ANKRD31: variants seen among roughly 807,000 people sequenced by gnomAD.
The protein encoded by ANKRD31 is ankyrin repeat domain 31.
ANKRD31 carries 147 observed loss-of-function variants against 186.0 expected under a neutral mutation model. The observed-to-expected ratio is 0.79, with a 90% CI of 0.69 to 0.91. ANKRD31 has a LOEUF of 0.91. Among genes scored for constraint, ANKRD31 ranks in the 40% least tolerant of loss-of-function variants. The pLI is 0.00. For synonymous variants in ANKRD31, 673 were observed against 736.4 expected (o/e 0.91, Z 1.39); for missense variants, 1,986 against 2,148.8 (o/e 0.92, Z 1.50).
intron 10 of ANKRD31, among the ~76,000 whole-genome samples, chr5:75,174,466 C>A (rs1018564917): frequency 3.3e-5 from 5 of 152,036 alleles, no homozygotes; most frequent in African/African-American, 9.7e-5. Flanking sequence ...AATGGGAGAA[C>A]ATTTTTGCAC....
At chr5:75,136,559 A>G (rs923951382) in intron 17 of ANKRD31, among the ~76,000 whole-genome samples, 124 of 152,270 alleles carry the variant, frequency 8.1e-4, no homozygotes, top group African/African-American at 2.8e-3. Flanking sequence ...CTTTTACACC[A>G]TTGGTGGGAC....
In ANKRD31 at chr5:75,203,881, G is replaced by A. The variant is rs1055653607; in HGVS notation, c.403+2530C>T. Among the ~76,000 whole-genome samples, 10 of 152,016 alleles carry A rather than the reference G, an allele frequency of 6.6e-5. No individual in the cohort carries two copies. In the East Asian group the frequency reaches 1.9e-3, roughly 29 times the overall value. On this transcript the variant is annotated intron_variant, in intron 5 of 25. Coordinates refer to ENST00000506364, the MANE Select transcript of ANKRD31 (RefSeq NM_001372053.1). Reference sequence around the variant, plus strand: ...AATCCATAACTACATCTTGTAAAAAGTGCTAAATAGGTTTTTACTAAATTT... The same window carrying A: ...AATCCATAACTACATCTTGTAAAAAATGCTAAATAGGTTTTTACTAAATTT...
chr5:75,167,291 GAATGCTT>G (rs770592061), intron 11 of ANKRD31, among the ~76,000 whole-genome samples: 11 of 151,882 alleles, frequency 7.2e-5, no homozygotes, highest in Non-Finnish European at 1.3e-4. Context: ...CAACACTCCA[GAATGCTT>G]AAAGAAGCTC....
At chr5:75,121,503 T>C (rs574965259) in intron 17 of ANKRD31, among the ~76,000 whole-genome samples, 7 of 152,190 alleles carry the variant, frequency 4.6e-5, no homozygotes, top group African/African-American at 1.4e-4. Context: ...TCGCAGAATA[T>C]ACCTTCTTCT....
chr5:75,077,744 T>C (rs886997005), intron 25 of ANKRD31, among the ~76,000 whole-genome samples: 1 of 151,706 alleles, frequency 6.6e-6, no homozygotes, highest in African/African-American at 2.4e-5. Context: ...GCTAACACAG[T>C]GAAACCCCGT....
At chr5:75,200,740 C>A (rs1755769164) in intron 5 of ANKRD31, among the ~76,000 whole-genome samples, 1 of 151,256 alleles carries the variant, frequency 6.6e-6, no homozygotes, top group South Asian at 2.1e-4. Flanking sequence ...AGGTGAAATC[C>A]TGTCTCTACT....
intron 11 of ANKRD31, among the ~76,000 whole-genome samples, chr5:75,164,803 T>G (rs1006534599): frequency 6.6e-6 from 1 of 152,244 alleles, no homozygotes; most frequent in Non-Finnish European, 1.5e-5. Flanking sequence ...ATGCATTCTG[T>G]ATTTTCTTTG....
intron 10 of ANKRD31, among the ~76,000 whole-genome samples, chr5:75,182,803 G>A (rs1435575812): frequency 6.6e-6 from 1 of 151,632 alleles, no homozygotes; most frequent in Non-Finnish European, 1.5e-5. Flanking sequence ...CTTGAGCCCT[G>A]AATGCCTGAA....
chr5:75,136,745 C>G (rs1031089380), intron 17 of ANKRD31, among the ~76,000 whole-genome samples: 1 of 152,152 alleles, frequency 6.6e-6, no homozygotes, highest in Non-Finnish European at 1.5e-5. Flanking sequence ...TTCACAATAG[C>G]AAAGACTTGG....
chr5:75,095,938 C>T (rs1001733642), intron 22 of ANKRD31, among the ~76,000 whole-genome samples: 3 of 152,064 alleles, frequency 2.0e-5, no homozygotes, highest in African/African-American at 7.2e-5. Flanking sequence ...GGCAGAAGAT[C>T]AGTGAGGAAA....
chr5:75,157,077 T>C (rs527942182), intron 11 of ANKRD31, among the ~76,000 whole-genome samples: 1 of 152,262 alleles, frequency 6.6e-6, no homozygotes, highest in South Asian at 2.1e-4. Flanking sequence ...GAAATGTGGA[T>C]GTTAAAGATC....
intron 25 of ANKRD31, among the ~76,000 whole-genome samples, chr5:75,076,078 A>G (rs1280627171): frequency 6.6e-6 from 1 of 152,164 alleles, no homozygotes; most frequent in African/African-American, 2.4e-5. Flanking sequence ...TTCTAATGAG[A>G]TATTTTTACT....
chr5:75,092,752 G>C (rs1329264428), intron 22 of ANKRD31, among the ~76,000 whole-genome samples: 1 of 152,074 alleles, frequency 6.6e-6, no homozygotes, highest in East Asian at 1.9e-4. Flanking sequence ...ACAGACAAGA[G>C]AAACTGCCTG....
chr5:75,120,058 AAATT>A (rs1240739305), intron 17 of ANKRD31, among the ~76,000 whole-genome samples: 1 of 151,490 alleles, frequency 6.6e-6, no homozygotes, highest in Non-Finnish European at 1.5e-5. Context: ...TGTTAAAAAT[AAATT>A]TATAATTGAC....
intron 17 of ANKRD31, among the ~76,000 whole-genome samples, chr5:75,119,172 G>A (rs1014181615): frequency 6.6e-6 from 1 of 152,136 alleles, no homozygotes; most frequent in Non-Finnish European, 1.5e-5. Context: ...ATGATGCTGA[G>A]GTTTGGGGTA....
chr5:75,163,668 G>A (rs145570346), intron 11 of ANKRD31, among the ~76,000 whole-genome samples: 2 of 152,158 alleles, frequency 1.3e-5, no homozygotes, highest in Admixed American at 6.5e-5. Flanking sequence ...GGACTTGAAA[G>A]AATTTTATTC....
Position 75,210,700 on chromosome 5 carries a change from C to T in ANKRD31, c.326+128G>A, listed in dbSNP as rs573425072. On this transcript the variant is annotated intron_variant, in intron 4 of 25. Coordinates refer to ENST00000506364, the MANE Select transcript of ANKRD31 (RefSeq NM_001372053.1). ...GTATGTAAAATAACATATACTTTTG[C>T]TACAAAATGGGCAATTATTCAAAAA... 7.4e-5 allele frequency: 45 copies of T among 604,516 alleles called. 1 individual carries two copies. The South Asian group carries it at 1.3e-3, about 18-fold the overall frequency. The allele number at this position is 604,516 out of a possible 1,614,324, so 37.4% of individuals were successfully genotyped here. A position where few individuals can be genotyped will look rare whatever the true frequency, so the allele number is the denominator to read the frequency against.
intron 25 of ANKRD31, among the ~76,000 whole-genome samples, chr5:75,068,887 A>T (rs1237763233): frequency 1.3e-5 from 2 of 152,024 alleles, no homozygotes; most frequent in African/African-American, 4.8e-5. Context: ...AGTCTAAAAC[A>T]TCAGCAGAAA....
intron 25 of ANKRD31, among the ~76,000 whole-genome samples, chr5:75,078,060 G>T (rs1282621649): frequency 6.6e-6 from 1 of 151,094 alleles, no homozygotes; most frequent in African/African-American, 2.4e-5. Flanking sequence ...TTCCTTTCCT[G>T]TAGGTAGATA....
Sources: allele counts gnomAD v4.1 joint callset (sites outside exome capture counted in the v4.1 genomes callset), GRCh38; gene constraint gnomAD v4.1.1; transcripts MANE v1.5; gene names NCBI Gene and HGNC (gene_info 2026-07-23, HGNC 2026-07-21).